PPFIA1: variants seen among roughly 807,000 people sequenced by gnomAD.
The protein encoded by PPFIA1 is liprin-alpha-1.
Under a neutral mutation model 149.9 loss-of-function variants are expected in PPFIA1, and 25 were observed. The observed-to-expected ratio is 0.17, with a 90% CI of 0.12 to 0.23. The LOEUF is 0.23. Among genes scored for constraint, PPFIA1 ranks in the 10% least tolerant of loss-of-function variants. The pLI, the probability that PPFIA1 is intolerant of heterozygous loss-of-function variation, is 1.00. For missense variants in PPFIA1, 1,362 were observed against 1,506.5 expected, an observed-to-expected ratio of 0.90 and a Z score of 1.59; for synonymous variants, 549 against 552.8, an observed-to-expected ratio of 0.99 and a Z score of 0.10.
chr11:70,380,300 G>A (rs2057657417), intron 26 of PPFIA1, among the ~76,000 whole-genome samples: 2 of 151,938 alleles, frequency 1.3e-5, no homozygotes, highest in African/African-American at 2.4e-5. Flanking sequence ...GGGCTCGGTG[G>A]CTCACGCCTG....
At position 70,383,642 on chromosome 11, in the gene PPFIA1, G is replaced by A. The variant is rs180686816; in HGVS notation, c.*652G>A. On this transcript the variant is annotated 3_prime_UTR_variant, in exon 28 of 28. Transcript: ENST00000253925. Reference sequence around the variant, plus strand: ...GTTAAATATCAGCTCCTAATAAGATGTGGACTGAAAACACTATCACAACAC... The same window carrying A: ...GTTAAATATCAGCTCCTAATAAGATATGGACTGAAAACACTATCACAACAC... The A allele has an allele frequency of 1.3e-5, 2 of 154,286 alleles. No individual in the cohort carries two copies. Among genetic ancestry groups the A allele is most frequent in the East Asian group, 1.9e-4 (1 of 5,256 alleles). The allele number at this position is 154,286 out of a possible 1,614,324, so 9.6% of individuals were successfully genotyped here.
chr11:70,342,532 C>T (rs898297156), intron 14 of PPFIA1, among the ~76,000 whole-genome samples: 4 of 152,218 alleles, frequency 2.6e-5, no homozygotes, highest in Non-Finnish European at 5.9e-5. Flanking sequence ...CATACACTGC[C>T]ATTCTTGAGG....
intron 21 of PPFIA1, chr11:70,364,429 C>T (rs2056814353): frequency 6.6e-6 from 1 of 152,208 alleles, no homozygotes; most frequent in Admixed American, 6.5e-5. Context: ...TGGCTGGATT[C>T]CCAGTCTCTG....
chr11:70,302,058 G>T (rs917951535), intron 2 of PPFIA1, among the ~76,000 whole-genome samples: 5 of 152,240 alleles, frequency 3.3e-5, no homozygotes, highest in South Asian at 2.1e-4. Context: ...GCAGTGAAGC[G>T]GTGGCTGTGC....
chr11:70,272,235 C>T lies in PPFIA1; in HGVS notation c.63C>T (p.Gly21=), dbSNP rs112711299. 1.2e-6 allele frequency: 2 copies of T among 1,614,150 alleles called. No individual in the cohort carries two copies. Among genetic ancestry groups the T allele is most frequent in the Non-Finnish European group, 1.7e-6 (2 of 1,180,002 alleles). Residue 21 remains glycine (G), a synonymous_variant, in exon 2 of 28, where the codon GGC becomes GGT. Transcript: ENST00000253925. The part of the protein sequence containing the change: ...EAEGPPGGGG[G]HGSGSPSQPD... ...AAGGCCCCCCTGGAGGAGGTGGAGG[C>T]CATGGTTCCGGCTCCCCTTCACAGC...
At chr11:70,295,966 G>A (rs1426652827) in intron 2 of PPFIA1, among the ~76,000 whole-genome samples, 1 of 151,708 alleles carries the variant, frequency 6.6e-6, no homozygotes, top group African/African-American at 2.4e-5. Context: ...CTTCTCAGAT[G>A]GGGCGGCTGG....
At position 70,355,620 on chromosome 11, in the gene PPFIA1, C is replaced by T. The variant is rs1565439866; in HGVS notation, c.2316-19C>T. The T allele has an allele frequency of 2.5e-6, 4 of 1,583,096 alleles. No individual in the cohort carries two copies. In the South Asian group the frequency reaches 4.6e-5, roughly 18 times the overall value. Reference sequence around the variant, plus strand: ...TCCTACAAGGGCACATAGTAAAGATCCGTTTTCTTTCCTCGAAGCTCCACA... The same window carrying T: ...TCCTACAAGGGCACATAGTAAAGATTCGTTTTCTTTCCTCGAAGCTCCACA... On this transcript the variant is annotated intron_variant, in intron 17 of 27. Coordinates refer to ENST00000253925, the MANE Select transcript of PPFIA1 (RefSeq NM_003626.5).
At chr11:70,359,069 C>T (rs1255811695) in intron 19 of PPFIA1, among the ~76,000 whole-genome samples, 1 of 152,190 alleles carries the variant, frequency 6.6e-6, no homozygotes, top group African/African-American at 2.4e-5. Context: ...GCTGAGCTTC[C>T]TGAGAGGATC....
intron 16 of PPFIA1, among the ~76,000 whole-genome samples, chr11:70,353,869 G>A (rs941702926): frequency 1.3e-5 from 2 of 152,298 alleles, no homozygotes; most frequent in Non-Finnish European, 2.9e-5. Context: ...TTCTTTTGAA[G>A]GACATCAGGA....
chr11:70,294,423 A>T (rs1000076919), intron 2 of PPFIA1, among the ~76,000 whole-genome samples: 11 of 152,170 alleles, frequency 7.2e-5, no homozygotes, highest in Non-Finnish European at 1.6e-4. Context: ...CACGTCCTTT[A>T]GACATGGGAC....
chr11:70,323,992 G>A (rs1201680527), intron 2 of PPFIA1, among the ~76,000 whole-genome samples: 1 of 152,206 alleles, frequency 6.6e-6, no homozygotes, highest in Non-Finnish European at 1.5e-5. Context: ...AGGAGGCTAG[G>A]ACAGGGGTGG....
At chr11:70,301,674 C>T (rs2052493244) in intron 2 of PPFIA1, among the ~76,000 whole-genome samples, 1 of 152,108 alleles carries the variant, frequency 6.6e-6, no homozygotes, top group Non-Finnish European at 1.5e-5. Context: ...GGTACTTGTT[C>T]TTAAGCTTAT....
At chr11:70,322,139 A>G (rs1450933422) in intron 2 of PPFIA1, among the ~76,000 whole-genome samples, 4 of 152,182 alleles carry the variant, frequency 2.6e-5, no homozygotes, top group Admixed American at 6.5e-5. Flanking sequence ...TCGGCCTCCC[A>G]AACTGTTGGG....
At chr11:70,346,918 T>C (rs1284064327) in intron 15 of PPFIA1, among the ~76,000 whole-genome samples, 10 of 152,244 alleles carry the variant, frequency 6.6e-5, no homozygotes, top group Non-Finnish European at 1.2e-4. Flanking sequence ...TTAAAACTGC[T>C]GTCTAGTGAT....
chr11:70,340,136 TA>T (rs564811432), intron 14 of PPFIA1, among the ~76,000 whole-genome samples: 399 of 138,376 alleles, frequency 2.9e-3, no homozygotes, highest in Non-Finnish European at 2.7e-3. Flanking sequence ...CTGTCTCTAT[TA>T]AAAAAAAAAA....
At chr11:70,306,093 G>A (rs1396399383) in intron 2 of PPFIA1, among the ~76,000 whole-genome samples, 1 of 152,200 alleles carries the variant, frequency 6.6e-6, no homozygotes, top group Non-Finnish European at 1.5e-5. Flanking sequence ...CTAGAAAAAT[G>A]GCCTTTTGGG....
intron 19 of PPFIA1, among the ~76,000 whole-genome samples, chr11:70,356,735 G>A (rs1425919728): frequency 1.3e-5 from 2 of 152,220 alleles, no homozygotes; most frequent in Non-Finnish European, 2.9e-5. Context: ...CCAGTGCAGC[G>A]ACTGTTGCTT....
At chr11:70,351,913 T>C (rs1255232113) in intron 16 of PPFIA1, among the ~76,000 whole-genome samples, 1 of 152,238 alleles carries the variant, frequency 6.6e-6, no homozygotes, top group Non-Finnish European at 1.5e-5. Flanking sequence ...TAGAGATAAC[T>C]GTGGATTGGG....
At chr11:70,375,339 A>G (rs936029140) in intron 24 of PPFIA1, 10 of 331,518 alleles carry the variant, frequency 3.0e-5, no homozygotes, top group African/African-American at 1.7e-4. Flanking sequence ...TGATCAGAAG[A>G]GTGACATATA....
Sources: allele counts gnomAD v4.1 joint callset (sites outside exome capture counted in the v4.1 genomes callset), GRCh38; gene constraint gnomAD v4.1.1; transcripts MANE v1.5; gene names NCBI Gene and HGNC (gene_info 2026-07-23, HGNC 2026-07-21).